MARCHF1: variants seen among roughly 807,000 people sequenced by gnomAD.
The protein encoded by MARCHF1 is E3 ubiquitin-protein ligase MARCHF1.
MARCHF1 carries 40 observed loss-of-function variants against 54.2 expected under a neutral mutation model. That is an observed-to-expected ratio of 0.74 (90% CI 0.57 to 0.96). MARCHF1 has a LOEUF of 0.96. Among genes scored for constraint, MARCHF1 ranks in the 40% least tolerant of loss-of-function variants. The probability of loss-of-function intolerance (pLI) is 0.00; values close to 1 mark genes in which losing one functional copy is unlikely to be tolerated. For missense variants in MARCHF1, 586 were observed against 656.5 expected (o/e 0.89, Z 1.17); for synonymous variants, 236 against 236.3 (o/e 1.00, Z 0.01).
chr4:164,193,962 T>C (rs922696169), intron 1 of MARCHF1, among the ~76,000 whole-genome samples: 2 of 152,210 alleles, frequency 1.3e-5, no homozygotes, highest in African/African-American at 2.4e-5. Flanking sequence ...TTTAGCACAT[T>C]CTAGTCTAAA....
In MARCHF1 at chr4:163,887,361, G is replaced by A. The variant is rs1023614021; in HGVS notation, c.-38-33192C>T. Among the ~76,000 whole-genome samples the A allele has an allele frequency of 5.3e-5, 8 of 152,136 alleles. No individual in the cohort carries two copies. In the East Asian group the frequency reaches 1.5e-3, roughly 29 times the overall value. On this transcript the variant is annotated intron_variant, in intron 3 of 9. Transcript: ENST00000514618. ...AACTGGGAAAATGTACTCCAGATAT[G>A]CAAAATTACTAGAGTAAATGTCCTG... is the stretch of plus-strand genomic sequence containing the variant.
chr4:163,733,209 A>ATATACACACATGTG (rs1745916190), intron 4 of MARCHF1, among the ~76,000 whole-genome samples: 2 of 35,744 alleles, frequency 5.6e-5, no homozygotes, highest in East Asian at 7.6e-4. Flanking sequence ...ATATATATAT[A>ATATACACACATGTG]TATATATATA....
intron 4 of MARCHF1, among the ~76,000 whole-genome samples, chr4:163,781,773 A>C (rs1393766399): frequency 2.6e-5 from 4 of 152,374 alleles, no homozygotes; most frequent in African/African-American, 9.6e-5. Context: ...ATTTAAAAAC[A>C]AAAACATTTT....
At chr4:164,215,197 G>A (rs1050116463) in intron 1 of MARCHF1, among the ~76,000 whole-genome samples, 1 of 152,142 alleles carries the variant, frequency 6.6e-6, no homozygotes, top group African/African-American at 2.4e-5. Flanking sequence ...TTACTGTGTG[G>A]AAGTAGTTCT....
chr4:164,383,236 G>T (rs1731427513), intron 1 of MARCHF1: 1 of 152,314 alleles, frequency 6.6e-6, no homozygotes, highest in Admixed American at 6.5e-5. Flanking sequence ...TCTCAGTCCC[G>T]CTGGCCGCAG....
intron 4 of MARCHF1, among the ~76,000 whole-genome samples, chr4:163,749,304 G>GT (rs1040288191): frequency 2.0e-5 from 3 of 149,524 alleles, no homozygotes; most frequent in Admixed American, 6.6e-5. Flanking sequence ...TTTTTTTTCT[G>GT]TTTTTTGTTT....
intron 1 of MARCHF1, among the ~76,000 whole-genome samples, chr4:164,149,628 C>T (rs1039020384): frequency 1.3e-5 from 2 of 152,210 alleles, no homozygotes; most frequent in Admixed American, 6.5e-5. Context: ...TTCAAGGACT[C>T]CTTCAGTAAA....
intron 4 of MARCHF1, among the ~76,000 whole-genome samples, chr4:163,729,316 C>G (rs1745760381): frequency 6.6e-6 from 1 of 151,942 alleles, no homozygotes; most frequent in African/African-American, 2.4e-5. Context: ...AGGAAGTGTA[C>G]TCTCTACTTC....
chr4:163,999,901 T>C (rs1753153195), intron 2 of MARCHF1, among the ~76,000 whole-genome samples: 1 of 151,712 alleles, frequency 6.6e-6, no homozygotes, highest in African/African-American at 2.4e-5. Context: ...TTATATAAGA[T>C]TACATTTAAC....
chr4:164,293,028 T>C (rs959045210), intron 1 of MARCHF1, among the ~76,000 whole-genome samples: 8 of 152,208 alleles, frequency 5.3e-5, no homozygotes, highest in African/African-American at 1.7e-4. Flanking sequence ...CGTTGGTTCA[T>C]GAAGTGTCTT....
chr4:163,701,838 G>T (rs548476201), intron 4 of MARCHF1, among the ~76,000 whole-genome samples: 200 of 150,100 alleles, frequency 1.3e-3, no homozygotes, highest in Non-Finnish European at 2.4e-3. Context: ...AATTCCTTTT[G>T]TTTTTTTTTT....
In MARCHF1 at chr4:163,527,647, T is replaced by TAAAAG. The variant is rs1443955778; in HGVS notation, c.*1096_*1100dup. The TAAAAG allele has an allele frequency of 2.0e-5, 3 of 151,912 alleles. No homozygotes were observed. The highest frequency in any genetic ancestry group is 2.1e-4 in the South Asian group (1 of 4,832). The allele number at this position is 151,912 out of a possible 1,614,324, so 9.4% of individuals were successfully genotyped here. ...ATAACTAACTTTTGTGACTTTGAAATAAAAGAATGAATTAAACTGTTTTGA... is the reference window on the plus strand; with the variant it reads ...ATAACTAACTTTTGTGACTTTGAAATAAAAGAAAAGAATGAATTAAACTGTTTTGA... On this transcript the variant is annotated 3_prime_UTR_variant, in exon 10 of 10. Coordinates refer to ENST00000514618, the MANE Select transcript of MARCHF1 (RefSeq NM_001394959.1).
intron 3 of MARCHF1, among the ~76,000 whole-genome samples, chr4:163,857,314 T>C (rs1388581067): frequency 6.6e-6 from 1 of 152,124 alleles, no homozygotes; most frequent in Non-Finnish European, 1.5e-5. Flanking sequence ...AACTGAAGAA[T>C]TGAAATGTTG....
intron 7 of MARCHF1, among the ~76,000 whole-genome samples, chr4:163,603,604 A>G (rs1741048502): frequency 6.6e-6 from 1 of 152,110 alleles, no homozygotes; most frequent in African/African-American, 2.4e-5. Flanking sequence ...CCAGTGAAAA[A>G]TTCTTTGTTG....
intron 1 of MARCHF1, among the ~76,000 whole-genome samples, chr4:164,202,521 T>C (rs1471495174): frequency 6.6e-6 from 1 of 152,170 alleles, no homozygotes; most frequent in Non-Finnish European, 1.5e-5. Context: ...AAAAAGTTAA[T>C]TTTCAAAAAA....
intron 9 of MARCHF1, 48 bp downstream of exon 9, chr4:163,545,547 AG>A: frequency 1.3e-6 from 2 of 1,577,014 alleles, no homozygotes; most frequent in Non-Finnish European, 1.7e-6. Flanking sequence ...TCCACCTCTG[AG>A]TATTGTCTTT....
intron 1 of MARCHF1, among the ~76,000 whole-genome samples, chr4:164,347,604 G>A (rs549433390): frequency 1.8e-4 from 28 of 152,016 alleles, no homozygotes; most frequent in African/African-American, 4.1e-4. Flanking sequence ...GATATCCACC[G>A]TGCTGCCATT....
chr4:163,745,849 AAG>A (rs1491124011), intron 4 of MARCHF1, among the ~76,000 whole-genome samples: 1 of 152,148 alleles, frequency 6.6e-6, no homozygotes, highest in Non-Finnish European at 1.5e-5. Flanking sequence ...TAAAAAAAAA[AAG>A]AGACTTTATT....
At chr4:164,100,912 G>C (rs1755534469) in intron 2 of MARCHF1, among the ~76,000 whole-genome samples, 1 of 152,162 alleles carries the variant, frequency 6.6e-6, no homozygotes, top group South Asian at 2.1e-4. Flanking sequence ...CGCGCACAGT[G>C]CGCGAGCCGA....
Sources: allele counts gnomAD v4.1 joint callset (sites outside exome capture counted in the v4.1 genomes callset), GRCh38; gene constraint gnomAD v4.1.1; transcripts MANE v1.5; gene names NCBI Gene and HGNC (gene_info 2026-07-23, HGNC 2026-07-21).